The following COL6A6 variants were observed in gnomAD, a reference collection of about 807,000 sequenced individuals.
COL6A6 encodes collagen type VI alpha 6 chain.
A neutral mutation model predicts 208.6 loss-of-function variants in COL6A6; 183 were observed. The ratio of observed to expected loss-of-function variants is 0.88; its 90% confidence interval spans 0.78 to 0.99. COL6A6 has a LOEUF of 0.99. Ranked by LOEUF, COL6A6 falls within the 50% of genes least tolerant of loss-of-function variation. The pLI, the probability that COL6A6 is intolerant of heterozygous loss-of-function variation, is 0.00. For missense variants in COL6A6, 2,816 were observed against 2,815.2 expected (o/e 1.00, Z -0.01); for synonymous variants, 973 against 1,011.8 (o/e 0.96, Z 0.73).
At chr3:130,554,812 G>A (rs758875672) in intron 1 of COL6A6, among the ~76,000 whole-genome samples, 1 of 152,186 alleles carries the variant, frequency 6.6e-6, no homozygotes, top group Non-Finnish European at 1.5e-5. Context: ...AGGCTGCAGT[G>A]GGGGAGGGGA....
Position 130,594,502 on chromosome 3 carries a change from T to C in COL6A6, c.4533+159T>C, listed in dbSNP as rs1400622283. 5 of 585,102 alleles carry C rather than the reference T, an allele frequency of 8.5e-6. No homozygotes were observed. In the East Asian group the frequency reaches 1.5e-4, roughly 17 times the overall value. The allele number at this position is 585,102 out of a possible 1,614,324, so 36.2% of individuals were successfully genotyped here. A position where few individuals can be genotyped will look rare whatever the true frequency, so the allele number is the denominator to read the frequency against. ...ATTCAGGTACCTGTGCTAGATCCTC[T>C]TCATATACTGAATGAGTATGAGCAG... On this transcript the variant is annotated intron_variant, in intron 18 of 36. Coordinates refer to ENST00000358511, the MANE Select transcript of COL6A6 (RefSeq NM_001102608.3).
intron 33 of COL6A6, among the ~76,000 whole-genome samples, chr3:130,655,672 TA>T (rs2065767922): frequency 6.6e-6 from 1 of 152,228 alleles, no homozygotes; most frequent in South Asian, 2.1e-4. Flanking sequence ...ACCAAAGTGT[TA>T]AAAACTTTAG....
chr3:130,654,197 C>A (rs1347238400), intron 33 of COL6A6, among the ~76,000 whole-genome samples: 1 of 152,166 alleles, frequency 6.6e-6, no homozygotes, highest in African/African-American at 2.4e-5. Context: ...TAAATCGGAG[C>A]CTTCCATAAT....
At position 130,589,095 on chromosome 3, in the gene COL6A6, T is replaced by C. The variant is rs1437850839; in HGVS notation, c.4131T>C (p.Asn1377=). The C allele has an allele frequency of 1.2e-6, 2 of 1,613,568 alleles. No individual in the cohort carries two copies. The highest frequency in any genetic ancestry group is 8.5e-7 in the Non-Finnish European group (1 of 1,179,524). The change falls in exon 12 of 37, where the codon AAT becomes AAC. Residue 1377 remains asparagine, a synonymous_variant. Coordinates refer to ENST00000358511, the MANE Select transcript of COL6A6 (RefSeq NM_001102608.3). ...ATTTCTTACCCTCTCCCAAGGTCAA[T>C]GTTGCTGAAAGGACATGCTGCTGTT... ...LGSRLSKQLV[N]VAERTCCCLF... is the part of the protein sequence containing the mutation.
chr3:130,666,781 A>G lies in COL6A6; in HGVS notation c.6596+1685A>G, dbSNP rs140243062. ...GATAAAATAGAAATAATGAGAGCCA[A>G]TATTCAAAGACATAAAGAGATTATC... On this transcript the variant is annotated intron_variant, in intron 36 of 36. Transcript: ENST00000358511. Among the ~76,000 whole-genome samples the G allele has an allele frequency of 2.9e-3, 435 of 152,352 alleles. 2 individuals carry two copies. The highest frequency in any genetic ancestry group is 9.6e-3 in the African/African-American group (398 of 41,584).
At chr3:130,592,858 T>G (rs2063753555) in intron 15 of COL6A6, 136 bp downstream of exon 15, 3 of 934,042 alleles carry the variant, frequency 3.2e-6, no homozygotes, top group East Asian at 2.5e-5. Flanking sequence ...CATTTCATTT[T>G]GTTTCTTCTT....
At chr3:130,664,341 G>A (rs907798206) in intron 35 of COL6A6, among the ~76,000 whole-genome samples, 4 of 152,148 alleles carry the variant, frequency 2.6e-5, no homozygotes, top group South Asian at 2.1e-4. Context: ...GTTGGGTCAC[G>A]GTCCAGGACA....
At chr3:130,554,391 G>A (rs992575256) in intron 1 of COL6A6, among the ~76,000 whole-genome samples, 1 of 152,198 alleles carries the variant, frequency 6.6e-6, no homozygotes, top group Non-Finnish European at 1.5e-5. Flanking sequence ...ATTCATGAAA[G>A]TGGTGGTGCT....
At chr3:130,561,741 T>C (rs1454416227) in intron 2 of COL6A6, among the ~76,000 whole-genome samples, 7 of 145,570 alleles carry the variant, frequency 4.8e-5, no homozygotes, top group Non-Finnish European at 8.9e-5. Context: ...CAAGCTCCGC[T>C]TCCCGGGTTC....
intron 36 of COL6A6, among the ~76,000 whole-genome samples, chr3:130,671,820 G>A (rs1246158563): frequency 6.6e-6 from 1 of 152,220 alleles, no homozygotes; most frequent in Non-Finnish European, 1.5e-5. Context: ...GGTGGCCCAT[G>A]AGGATGAGAG....
chr3:130,645,680 G>T (rs535377349), intron 32 of COL6A6, among the ~76,000 whole-genome samples: 54 of 152,302 alleles, frequency 3.5e-4, no homozygotes, highest in African/African-American at 1.3e-3. Flanking sequence ...GAATAAAAGT[G>T]GGGATGATCA....
intron 33 of COL6A6, among the ~76,000 whole-genome samples, chr3:130,658,264 T>C (rs1352372314): frequency 6.6e-6 from 1 of 152,222 alleles, no homozygotes; most frequent in East Asian, 1.9e-4. Flanking sequence ...AACGTTTCAT[T>C]GAGCTTCAGT....
intron 1 of COL6A6, among the ~76,000 whole-genome samples, chr3:130,525,211 G>A (rs2061935532): frequency 6.6e-6 from 1 of 151,210 alleles, no homozygotes; most frequent in South Asian, 2.1e-4. Context: ...AGGTAATCTG[G>A]AAAATGTGTG....
chr3:130,628,586 T>G (rs2064961938), intron 26 of COL6A6, among the ~76,000 whole-genome samples: 1 of 152,160 alleles, frequency 6.6e-6, no homozygotes. Flanking sequence ...ATTATATACT[T>G]TTTTATCCAG....
At chr3:130,614,651 G>C (rs2064460422) in intron 23 of COL6A6, among the ~76,000 whole-genome samples, 1 of 151,978 alleles carries the variant, frequency 6.6e-6, no homozygotes, top group Admixed American at 6.6e-5. Context: ...GCTGTTTTTT[G>C]GTTGGTAGGC....
chr3:130,590,922 C>T (rs1560036383), intron 12 of COL6A6, 119 bp from the exon 13 acceptor site: 1 of 760,574 alleles, frequency 1.3e-6, no homozygotes, highest in Non-Finnish European at 2.2e-6. Flanking sequence ...AAGGAAGGAC[C>T]ATTTTTTTCA....
intron 19 of COL6A6, among the ~76,000 whole-genome samples, chr3:130,599,043 G>C (rs2063928299): frequency 6.6e-6 from 1 of 152,186 alleles, no homozygotes; most frequent in African/African-American, 2.4e-5. Flanking sequence ...ACAGCACTGG[G>C]TCCTATCTCA....
chr3:130,647,524 A>G (rs1245280455), intron 32 of COL6A6, among the ~76,000 whole-genome samples: 1 of 152,216 alleles, frequency 6.6e-6, no homozygotes, highest in Non-Finnish European at 1.5e-5. Flanking sequence ...CTTAGAGACT[A>G]ATACATGATT....
chr3:130,538,032 C>T (rs1481090656), intron 1 of COL6A6, among the ~76,000 whole-genome samples: 3 of 152,196 alleles, frequency 2.0e-5, no homozygotes, highest in East Asian at 3.8e-4. Flanking sequence ...TACATTCTAA[C>T]ACATTAGATA....
Sources: allele counts gnomAD v4.1 joint callset (sites outside exome capture counted in the v4.1 genomes callset), GRCh38; gene constraint gnomAD v4.1.1; transcripts MANE v1.5; gene names NCBI Gene and HGNC (gene_info 2026-07-23, HGNC 2026-07-21).